The following AGBL1 variants were observed in gnomAD, a reference collection of about 807,000 sequenced individuals.
The protein encoded by AGBL1 is cytosolic carboxypeptidase 4.
A neutral mutation model predicts 118.9 loss-of-function variants in AGBL1; 130 were observed. The observed-to-expected ratio is 1.09, with a 90% confidence interval of 0.95 to 1.26. The LOEUF is 1.26. AGBL1 is among the 50% of genes most tolerant of loss of function. AGBL1 has a pLI of 0.00. For missense variants in AGBL1, 1,584 were observed against 1,298.1 expected, an observed-to-expected ratio of 1.22 and a Z score of -3.38; for synonymous variants, 555 against 478.9, an observed-to-expected ratio of 1.16 and a Z score of -2.08.
At chr15:86,261,923 A>C (rs1036822651) in intron 9 of AGBL1, among the ~76,000 whole-genome samples, 3 of 152,088 alleles carry the variant, frequency 2.0e-5, no homozygotes, top group East Asian at 3.9e-4. Flanking sequence ...CCCAGGTCTC[A>C]TAAGGATTGA....
chr15:86,464,332 T>C (rs2082370805), intron 18 of AGBL1, among the ~76,000 whole-genome samples: 2 of 152,096 alleles, frequency 1.3e-5, no homozygotes, highest in African/African-American at 4.8e-5. Context: ...GCTTAAGGTG[T>C]TTTGGGGCTA....
At chr15:86,536,258 A>C (rs2083424692) in intron 19 of AGBL1, among the ~76,000 whole-genome samples, 1 of 152,202 alleles carries the variant, frequency 6.6e-6, no homozygotes, top group Admixed American at 6.5e-5. Context: ...TGCTCTCAAC[A>C]GTGTCTTCAA....
chr15:86,169,660 AGTT>A (rs1465079668), intron 5 of AGBL1, among the ~76,000 whole-genome samples: 1 of 152,246 alleles, frequency 6.6e-6, no homozygotes, highest in African/African-American at 2.4e-5. Context: ...TATGTAAATA[AGTT>A]GTTAGACTGT....
chr15:86,444,660 C>T (rs981713820), intron 18 of AGBL1, among the ~76,000 whole-genome samples: 4 of 152,224 alleles, frequency 2.6e-5, no homozygotes, highest in Admixed American at 2.0e-4. Flanking sequence ...AGCAAGAAAA[C>T]CAGCAGAAAC....
downstream of AGBL1, among the ~76,000 whole-genome samples, chr15:86,919,492 C>T (rs1419589980): frequency 2.0e-5 from 3 of 151,674 alleles, no homozygotes; most frequent in African/African-American, 4.9e-5. Context: ...AAAAACAGAG[C>T]CCAGCAAGGG....
At chr15:86,794,633 T>G (rs1179628559) in intron 22 of AGBL1, among the ~76,000 whole-genome samples, 1 of 151,684 alleles carries the variant, frequency 6.6e-6, no homozygotes, top group Non-Finnish European at 1.5e-5. Flanking sequence ...TTTACTTTGA[T>G]GAAACAAAAA....
chr15:86,447,556 C>A (rs192045145), intron 18 of AGBL1, among the ~76,000 whole-genome samples: 165 of 152,240 alleles, frequency 1.1e-3, no homozygotes, highest in African/African-American at 3.6e-3. Flanking sequence ...GTGTTTAAGT[C>A]AAGATGAGGT....
intron 17 of AGBL1, among the ~76,000 whole-genome samples, chr15:86,378,910 T>C (rs2081074608): frequency 6.6e-6 from 1 of 151,390 alleles, no homozygotes; most frequent in Admixed American, 6.6e-5. Flanking sequence ...GTTTTTTTTT[T>C]TTTCTTTTTT....
chr15:86,466,915 G>A (rs993632313), intron 18 of AGBL1, among the ~76,000 whole-genome samples: 4 of 152,190 alleles, frequency 2.6e-5, no homozygotes, highest in African/African-American at 4.8e-5. Flanking sequence ...GAGCTCTCCT[G>A]TATGAAGTGT....
chr15:86,480,979 G>GT (rs1037953530), intron 18 of AGBL1, among the ~76,000 whole-genome samples: 10 of 151,990 alleles, frequency 6.6e-5, no homozygotes, highest in African/African-American at 9.7e-5. Context: ...TTCTTGACAT[G>GT]TTTTTTCTCC....
intron 19 of AGBL1, among the ~76,000 whole-genome samples, chr15:86,535,485 T>G (rs73457698): frequency 0.016 from 2,490 of 152,312 alleles, 66 homozygotes; most frequent in African/African-American, 0.055. Context: ...TTCAAGTAAT[T>G]GGGGCTTCAG....
At chr15:86,656,247 AG>A (rs1436728311) in intron 21 of AGBL1, among the ~76,000 whole-genome samples, 3 of 152,226 alleles carry the variant, frequency 2.0e-5, no homozygotes, top group Non-Finnish European at 2.9e-5. Context: ...GCAGAGGGTG[AG>A]AAACTATGTA....
At chr15:86,840,598 A>T (rs2079231282) in intron 22 of AGBL1, among the ~76,000 whole-genome samples, 1 of 152,114 alleles carries the variant, frequency 6.6e-6, no homozygotes, top group African/African-American at 2.4e-5. Flanking sequence ...GGCGTGTACT[A>T]CCATGCCAAG....
intron 5 of AGBL1, among the ~76,000 whole-genome samples, chr15:86,217,116 T>C (rs1050738601): frequency 1.2e-4 from 19 of 152,250 alleles, no homozygotes; most frequent in Non-Finnish European, 2.6e-4. Flanking sequence ...TTTTCTTTTT[T>C]TCCCCATGGC....
chr15:86,745,875 T>C (rs1206052657), intron 22 of AGBL1, among the ~76,000 whole-genome samples: 1 of 152,030 alleles, frequency 6.6e-6, no homozygotes, highest in East Asian at 1.9e-4. Flanking sequence ...CTGTCAGCAA[T>C]AGATTTGGGA....
At chr15:86,143,263 A>G (rs563176368) in intron 2 of AGBL1, among the ~76,000 whole-genome samples, 18 of 149,718 alleles carry the variant, frequency 1.2e-4, no homozygotes, top group African/African-American at 4.0e-4. Flanking sequence ...TATGCCATCA[A>G]TACAATGATT....
chr15:86,105,378 A>C (rs1896996600), intron 1 of AGBL1: 1 of 152,218 alleles, frequency 6.6e-6, no homozygotes, highest in African/African-American at 2.4e-5. Flanking sequence ...GTAAATTAGA[A>C]AGACATATAC....
rs142923684 is a variant in AGBL1 at position 86,576,771 on chromosome 15, G to C, written c.2994+22234G>C. 3.0e-4 allele frequency among the ~76,000 whole-genome samples: 45 copies of C among 152,320 alleles called. No homozygotes were observed. The East Asian group carries it at 8.7e-3, about 29-fold the overall frequency. On this transcript the variant is annotated intron_variant, in intron 21 of 22. Transcript: ENST00000614907. ...TTGTGATAGTGAGTAAGTCTTATGA[G>C]ATCTGATGGTTATCGTAAGGAGGAG...
rs1426593369 is a variant in AGBL1, at chr15:86,224,966, T to C, written c.526+15T>C. The C allele has an allele frequency of 6.2e-7, 1 of 1,612,794 alleles. No individual in the cohort carries two copies. The highest frequency in any genetic ancestry group is 8.5e-7 in the Non-Finnish European group (1 of 1,179,214). ...GCTGAAATCCAGTAAGCACCTCTTT[T>C]GAAGGGTGGCTATTTCTCTCCACTC... On this transcript the variant is annotated intron_variant, in intron 6 of 22. Coordinates refer to ENST00000614907, the MANE Select transcript of AGBL1 (RefSeq NM_001386094.1).
Sources: allele counts gnomAD v4.1 joint callset (sites outside exome capture counted in the v4.1 genomes callset), GRCh38; gene constraint gnomAD v4.1.1; transcripts MANE v1.5; gene names NCBI Gene and HGNC (gene_info 2026-07-23, HGNC 2026-07-21).